The following SIPA1L2 variants were observed in gnomAD, a reference collection of about 807,000 sequenced individuals.
The protein encoded by SIPA1L2 is signal-induced proliferation-associated 1-like protein 2.
Under a neutral mutation model 163.9 loss-of-function variants are expected in SIPA1L2, and 56 were observed. The ratio of observed to expected loss-of-function variants is 0.34; its 90% CI spans 0.28 to 0.43. The LOEUF is 0.43. SIPA1L2 is among the 20% of genes least tolerant of loss of function. SIPA1L2 has a pLI of 1.00. For missense variants in SIPA1L2, 1,974 were observed against 2,193.5 expected, an observed-to-expected ratio of 0.90 and a Z score of 2.00; for synonymous variants, 877 against 865.7, an observed-to-expected ratio of 1.01 and a Z score of -0.23.
chr1:232,471,599 T>C (rs1389374333), intron 7 of SIPA1L2, 71 bp from the exon 8 acceptor site: 6 of 1,268,430 alleles, frequency 4.7e-6, no homozygotes, highest in Middle Eastern at 2.4e-4. Context: ...AATTCACTCA[T>C]CTTTCAATTT....
At chr1:232,443,979 C>T (rs767551767) in intron 11 of SIPA1L2, among the ~76,000 whole-genome samples, 1 of 152,074 alleles carries the variant, frequency 6.6e-6, no homozygotes, top group African/African-American at 2.4e-5. Context: ...CAGAGAAATA[C>T]AGAAGAACAG....
At chr1:232,495,078 A>G (rs149866956) in intron 3 of SIPA1L2, among the ~76,000 whole-genome samples, 27 of 152,368 alleles carry the variant, frequency 1.8e-4, no homozygotes, top group Middle Eastern at 3.4e-3. Context: ...GAAAACAGAA[A>G]GAGATCAGCA....
chr1:232,594,921 C>T (rs974464596), intron 1 of SIPA1L2, among the ~76,000 whole-genome samples: 1 of 152,218 alleles, frequency 6.6e-6, no homozygotes, highest in African/African-American at 2.4e-5. Flanking sequence ...ACCCAGGCTG[C>T]ACCCATTCCA....
intron 1 of SIPA1L2, among the ~76,000 whole-genome samples, chr1:232,622,399 A>C (rs1357915476): frequency 6.6e-6 from 1 of 152,254 alleles, no homozygotes; most frequent in Non-Finnish European, 1.5e-5. Flanking sequence ...GATTTCCTGT[A>C]GAAATGAACC....
intron 3 of SIPA1L2, among the ~76,000 whole-genome samples, chr1:232,505,192 G>C (rs956813974): frequency 6.6e-6 from 1 of 152,180 alleles, no homozygotes; most frequent in African/African-American, 2.4e-5. Flanking sequence ...AGTATGAAAG[G>C]CCTCACCACT....
intron 2 of SIPA1L2, among the ~76,000 whole-genome samples, chr1:232,549,882 G>A (rs930555566): frequency 6.6e-6 from 1 of 152,214 alleles, no homozygotes; most frequent in East Asian, 1.9e-4. Flanking sequence ...CAGGGAAAAA[G>A]AATGGTGCTC....
chr1:232,525,898 C>A (rs1667683548), intron 2 of SIPA1L2, among the ~76,000 whole-genome samples: 1 of 152,148 alleles, frequency 6.6e-6, no homozygotes, highest in Non-Finnish European at 1.5e-5. Context: ...CAGGGTGGAG[C>A]GATTTACTCC....
At chr1:232,540,915 A>G (rs1409319128) in intron 2 of SIPA1L2, among the ~76,000 whole-genome samples, 1 of 152,232 alleles carries the variant, frequency 6.6e-6, no homozygotes, top group African/African-American at 2.4e-5. Flanking sequence ...TATATCTATC[A>G]TAATAAGGAA....
At chr1:232,428,827 C>A (rs1376006996) in intron 16 of SIPA1L2, among the ~76,000 whole-genome samples, 1 of 152,104 alleles carries the variant, frequency 6.6e-6, no homozygotes, top group Non-Finnish European at 1.5e-5. Context: ...AATTACACAG[C>A]CAACTTTTAA....
In SIPA1L2 at chr1:232,490,997, T is replaced by C; in HGVS notation, c.1683A>G (p.Ala561=). The C allele has an allele frequency of 2.5e-6, 4 of 1,614,172 alleles. No individual in the cohort carries two copies. The highest frequency in any genetic ancestry group is 3.4e-6 in the Non-Finnish European group (4 of 1,180,008). Reference sequence around the variant, plus strand: ...AAACTTCTTTGAGAGGTAGTCCTCGTGCGGTACCATGCCTAGCAGTAGAGG... The same window carrying C: ...AAACTTCTTTGAGAGGTAGTCCTCGCGCGGTACCATGCCTAGCAGTAGAGG... ...AIPSTARHGT[A]RGLPLKEVLE... The change falls in exon 5 of 23, where the codon GCA becomes GCG. Residue 561 remains alanine (A), a synonymous_variant. Transcript: ENST00000674635.
chr1:232,606,744 A>G (rs1661943116), intron 1 of SIPA1L2, among the ~76,000 whole-genome samples: 1 of 151,594 alleles, frequency 6.6e-6, no homozygotes. Context: ...AGTTTAAATG[A>G]AAGAAAGTTG....
chr1:232,516,766 T>C (rs1395618572), intron 2 of SIPA1L2, among the ~76,000 whole-genome samples: 3 of 152,204 alleles, frequency 2.0e-5, no homozygotes, highest in Non-Finnish European at 4.4e-5. Flanking sequence ...GTTTAGCTAG[T>C]TGGGATTTTA....
chr1:232,604,829 T>C (rs141904790), intron 1 of SIPA1L2, among the ~76,000 whole-genome samples: 1 of 152,120 alleles, frequency 6.6e-6, no homozygotes, highest in Admixed American at 6.5e-5. Context: ...CTTCCTCCTG[T>C]GTGGGCCATA....
intron 22 of SIPA1L2, among the ~76,000 whole-genome samples, chr1:232,401,295 T>C (rs748701702): frequency 6.6e-6 from 1 of 152,170 alleles, no homozygotes; most frequent in African/African-American, 2.4e-5. Context: ...CCGGGCAAAC[T>C]GGGACAGCTG....
chr1:232,425,932 G>T, intron 17 of SIPA1L2, 124 bp from the exon 18 acceptor site: 2 of 821,064 alleles, frequency 2.4e-6, no homozygotes, highest in Non-Finnish European at 3.8e-6. Flanking sequence ...TTCTCTGTTA[G>T]CTCAAGAATG....
chr1:232,455,534 A>AAT (rs1663845326), intron 10 of SIPA1L2, among the ~76,000 whole-genome samples: 1 of 152,044 alleles, frequency 6.6e-6, no homozygotes, highest in African/African-American at 2.4e-5. Flanking sequence ...ACAAAACATT[A>AAT]GCCGGGCGTG....
Position 232,602,252 on chromosome 1 carries a change from G to C in SIPA1L2, c.-319+27617C>G, listed in dbSNP as rs968686075. Among the ~76,000 whole-genome samples, 13 of 152,324 alleles carry C rather than the reference G, an allele frequency of 8.5e-5. No individual in the cohort carries two copies. The East Asian group carries it at 9.7e-4, about 11-fold the overall frequency. ...CTAGAGACCAAGGAGAGTGGTGTGG[G>C]AGGAGAGGGGAGGCTCTGAGGACCT... On this transcript the variant is annotated intron_variant, in intron 1 of 22. Coordinates refer to ENST00000674635, the MANE Select transcript of SIPA1L2 (RefSeq NM_020808.5).
chr1:232,535,485 G>A (rs553995994), intron 2 of SIPA1L2, among the ~76,000 whole-genome samples: 10 of 152,196 alleles, frequency 6.6e-5, no homozygotes, highest in South Asian at 2.1e-4. Flanking sequence ...AACCAAAATC[G>A]CAGTTTTCTC....
chr1:232,423,640 A>C (rs1489635225), intron 18 of SIPA1L2, among the ~76,000 whole-genome samples: 1 of 152,236 alleles, frequency 6.6e-6, no homozygotes, highest in Admixed American at 6.5e-5. Flanking sequence ...GAGAAGTAAA[A>C]ATGAAGACAA....
Sources: allele counts gnomAD v4.1 joint callset (sites outside exome capture counted in the v4.1 genomes callset), GRCh38; gene constraint gnomAD v4.1.1; transcripts MANE v1.5; gene names NCBI Gene and HGNC (gene_info 2026-07-23, HGNC 2026-07-21).